Variants in CAST observed in about 807,000 individuals in gnomAD.
CAST encodes the protein calpastatin.
Under a neutral mutation model 119.6 loss-of-function variants are expected in CAST, and 76 were observed. The ratio of observed to expected loss-of-function variants is 0.64; its 90% CI spans 0.53 to 0.77. The LOEUF (loss-of-function observed/expected upper bound fraction) is 0.77. Ranked by LOEUF, CAST falls within the 30% of genes least tolerant of loss-of-function variation. The pLI is 0.00. For missense variants in CAST, 953 were observed against 946.5 expected (o/e 1.01, Z -0.09); for synonymous variants, 319 against 331.6 (o/e 0.96, Z 0.41).
the CAST span, among the ~76,000 whole-genome samples, chr5:96,412,756 T>G: frequency 4.2e-5 from 6 of 142,222 alleles, no homozygotes; most frequent in Non-Finnish European, 7.5e-5. Flanking sequence ...TGTGATGTTT[T>G]TTTTTTTTTT....
rs772407571 is a variant in CAST, at chr5:96,726,811, A to G, written c.288A>G (p.Gln96=). The G allele has an allele frequency of 6.2e-7, 1 of 1,613,500 alleles. No homozygotes were observed. The highest frequency in any genetic ancestry group is 1.1e-5 in the South Asian group (1 of 91,050). ...PTETKAIPVS[Q]QMEGPHLPNK... Reference sequence around the variant, plus strand: ...TATATTAGGCCATTCCAGTCAGCCAACAGATGGAAGGACCACATCTTCCTA... The same window carrying G: ...TATATTAGGCCATTCCAGTCAGCCAGCAGATGGAAGGACCACATCTTCCTA... The change falls in exon 5 of 32, where the codon CAA becomes CAG. Residue 96 remains glutamine (Q), a synonymous_variant. Transcript: ENST00000675179.
the CAST span, among the ~76,000 whole-genome samples, chr5:96,375,926 TAA>T: frequency 6.9e-6 from 1 of 145,196 alleles, no homozygotes; most frequent in African/African-American, 2.6e-5. Flanking sequence ...TATATAAATA[TAA>T]ATATATATAA....
chr5:96,385,599 G>A, the CAST span, among the ~76,000 whole-genome samples: 1 of 152,178 alleles, frequency 6.6e-6, no homozygotes. Context: ...AATATAGAAA[G>A]TGTATGCTTA....
chr5:95,997,592 A>C, the CAST span, among the ~76,000 whole-genome samples: 2 of 152,178 alleles, frequency 1.3e-5, no homozygotes, highest in Admixed American at 6.5e-5. Context: ...AAAGATCCAT[A>C]GCTCAAAGCA....
At chr5:96,630,581 G>A (rs1361665927) in intron 1 of CAST, among the ~76,000 whole-genome samples, 1 of 152,192 alleles carries the variant, frequency 6.6e-6, no homozygotes, top group Non-Finnish European at 1.5e-5. Context: ...GAGGTCAGGA[G>A]TTCGAGACCA....
chr5:96,728,442 GAAAC>G (rs1054399721), intron 6 of CAST: 13 of 151,190 alleles, frequency 8.6e-5, no homozygotes, highest in Admixed American at 2.6e-4. Context: ...TACTAACAAA[GAAAC>G]AAAACTCTGT....
the CAST span, among the ~76,000 whole-genome samples, chr5:96,511,755 A>G: frequency 6.6e-6 from 1 of 152,324 alleles, no homozygotes; most frequent in East Asian, 1.9e-4. Flanking sequence ...GAAGCATGCA[A>G]TCTTTCCAGA....
At chr5:96,207,684 C>T in the CAST span, among the ~76,000 whole-genome samples, 6 of 152,082 alleles carry the variant, frequency 3.9e-5, no homozygotes, top group African/African-American at 1.4e-4. Flanking sequence ...TGATGTACTG[C>T]TGGATTTGGT....
At chr5:96,265,941 A>G in the CAST span, among the ~76,000 whole-genome samples, 1 of 152,208 alleles carries the variant, frequency 6.6e-6, no homozygotes. Flanking sequence ...ATACGATGTC[A>G]TGGAAGAATC....
chr5:96,043,715 A>G, the CAST span, among the ~76,000 whole-genome samples: 1 of 152,336 alleles, frequency 6.6e-6, no homozygotes, highest in South Asian at 2.1e-4. Context: ...CCACTGTCCC[A>G]TTCTGTATAG....
chr5:96,462,483 G>T, the CAST span, among the ~76,000 whole-genome samples: 1 of 151,880 alleles, frequency 6.6e-6, no homozygotes, highest in African/African-American at 2.4e-5. Flanking sequence ...TGCTTTCTTG[G>T]GTTGTTATAA....
chr5:96,583,582 G>T (rs2150189815), intron 1 of CAST, among the ~76,000 whole-genome samples: 1 of 152,204 alleles, frequency 6.6e-6, no homozygotes, highest in Admixed American at 6.5e-5. Context: ...AAGGACCAAT[G>T]GACTCAATAT....
At chr5:96,021,668 T>TCG in the CAST span, among the ~76,000 whole-genome samples, 38 of 152,044 alleles carry the variant, frequency 2.5e-4, no homozygotes, top group Admixed American at 1.4e-3. Context: ...GGATGGTCTT[T>TCG]ATCTCCTGAC....
chr5:96,114,445 C>T, the CAST span, among the ~76,000 whole-genome samples: 1 of 152,136 alleles, frequency 6.6e-6, no homozygotes, highest in East Asian at 1.9e-4. Flanking sequence ...AATCTGCCAC[C>T]ACTGAGGCTC....
chr5:96,647,840 T>C (rs1484503040), intron 1 of CAST, among the ~76,000 whole-genome samples: 1 of 152,090 alleles, frequency 6.6e-6, no homozygotes, highest in Non-Finnish European at 1.5e-5. Flanking sequence ...TGTGAGATAA[T>C]AAATTTATGT....
intron 20 of CAST, among the ~76,000 whole-genome samples, chr5:96,751,070 C>G (rs1764939265): frequency 6.6e-6 from 1 of 152,122 alleles, no homozygotes; most frequent in Admixed American, 6.5e-5. Context: ...GATTCCTCCC[C>G]ACTCTTCCCA....
At chr5:96,529,132 G>A (rs1298764312), upstream of CAST, among the ~76,000 whole-genome samples, 1 of 152,158 alleles carries the variant, frequency 6.6e-6, no homozygotes, top group Non-Finnish European at 1.5e-5. Context: ...GTGTTCTCAG[G>A]TGGTGTCATG....
chr5:96,012,081 A>C, the CAST span, among the ~76,000 whole-genome samples: 1 of 152,152 alleles, frequency 6.6e-6, no homozygotes, highest in Non-Finnish European at 1.5e-5. Context: ...AATTCAAAAT[A>C]ATAATGTAAT....
At chr5:96,328,399 C>T in the CAST span, among the ~76,000 whole-genome samples, 4 of 149,608 alleles carry the variant, frequency 2.7e-5, no homozygotes, top group Non-Finnish European at 5.9e-5. Flanking sequence ...CTCTCTCTCT[C>T]TCTCTCTCTC....
Sources: allele counts gnomAD v4.1 joint callset (sites outside exome capture counted in the v4.1 genomes callset), GRCh38; gene constraint gnomAD v4.1.1; transcripts MANE v1.5; gene names NCBI Gene and HGNC (gene_info 2026-07-23, HGNC 2026-07-21).